Variants in KCNS3 observed in about 807,000 individuals in gnomAD.
The protein encoded by KCNS3 is delayed-rectifier potassium channel regulatory subunit KCNS3.
KCNS3 carries 13 observed loss-of-function variants against 31.0 expected under a neutral mutation model. That is an observed-to-expected ratio of 0.42 (90% CI 0.27 to 0.67). The LOEUF (loss-of-function observed/expected upper bound fraction) is 0.67, where lower values mean the gene tolerates loss of function less well. Among genes scored for constraint, KCNS3 ranks in the 30% least tolerant of loss-of-function variants. The pLI is 0.25. For missense variants in KCNS3, 545 were observed against 622.4 expected, an observed-to-expected ratio of 0.88 and a Z score of 1.32; for synonymous variants, 238 against 241.5, an observed-to-expected ratio of 0.99 and a Z score of 0.13.
rs1176063382 is a variant in KCNS3 at position 17,932,275 on chromosome 2, C to A, written c.1267C>A (p.Gln423Lys). ...GAAGCAAAAGGACATTGATGTGGAC[C>A]AGTGCAGTGAGGATGCACCAGAGAA... is the stretch of plus-strand genomic sequence containing the variant. ...YQKQKDIDVDQCSEDAPEKCH... is the reference protein window; with the variant it reads ...YQKQKDIDVDKCSEDAPEKCH... Residue 423 changes from glutamine (Q) to lysine (K), a missense_variant, in exon 3 of 3, where the codon CAG (glutamine) becomes AAG (lysine). Gln to Lys is a moderately conservative substitution (Grantham distance 53). Transcript: ENST00000304101. The A allele has an allele frequency of 1.2e-6, 2 of 1,613,614 alleles. No homozygotes were observed. The highest frequency in any genetic ancestry group is 4.5e-5 in the East Asian group (2 of 44,882).
chr2:17,914,689 A>G (rs1240065567), intron 1 of KCNS3, among the ~76,000 whole-genome samples: 4 of 152,336 alleles, frequency 2.6e-5, no homozygotes, highest in African/African-American at 9.6e-5. Flanking sequence ...GATTGATATT[A>G]GGACACTGTC....
At chr2:17,891,850 T>G (rs924683056) in intron 1 of KCNS3, among the ~76,000 whole-genome samples, 8 of 152,186 alleles carry the variant, frequency 5.3e-5, no homozygotes, top group African/African-American at 1.9e-4. Context: ...GTCTCACAGC[T>G]CTTAAAATTA....
chr2:17,878,383 C>T (rs1377114963), upstream of KCNS3, among the ~76,000 whole-genome samples: 2 of 151,868 alleles, frequency 1.3e-5, no homozygotes, highest in East Asian at 3.9e-4. Flanking sequence ...CAGCGCCTGC[C>T]GCTCCGGGGT....
At chr2:17,903,585 C>G (rs1662238662) in intron 1 of KCNS3, among the ~76,000 whole-genome samples, 1 of 151,988 alleles carries the variant, frequency 6.6e-6, no homozygotes, top group Admixed American at 6.6e-5. Flanking sequence ...TTAGGTATAT[C>G]TCCTAATGCT....
At chr2:17,920,994 A>G (rs1384427581) in intron 2 of KCNS3, among the ~76,000 whole-genome samples, 1 of 152,226 alleles carries the variant, frequency 6.6e-6, no homozygotes, top group East Asian at 1.9e-4. Context: ...CCCATTTGCA[A>G]CACGGGAGTC....
At chr2:17,889,273 A>G in intron 1 of KCNS3, among the ~76,000 whole-genome samples, 1 of 152,130 alleles carries the variant, frequency 6.6e-6, no homozygotes, top group Admixed American at 6.5e-5. Context: ...GTGTACATTA[A>G]TCTTGTATCC....
chr2:17,905,701 T>G (rs184145685), intron 1 of KCNS3, among the ~76,000 whole-genome samples: 6 of 152,356 alleles, frequency 3.9e-5, no homozygotes, highest in Non-Finnish European at 7.3e-5. Flanking sequence ...AGGCCTTTTC[T>G]GCATCTATTG....
chr2:17,905,178 C>T (rs1254465020), intron 1 of KCNS3, among the ~76,000 whole-genome samples: 4 of 152,160 alleles, frequency 2.6e-5, no homozygotes, highest in African/African-American at 4.8e-5. Context: ...TCCTTCACAT[C>T]CCTTGTAAGT....
At chr2:17,892,563 C>G (rs1452744701) in intron 1 of KCNS3, among the ~76,000 whole-genome samples, 2 of 152,134 alleles carry the variant, frequency 1.3e-5, no homozygotes, top group Non-Finnish European at 2.9e-5. Context: ...TTTGGGTAGG[C>G]TCTGTCAGAG....
intron 1 of KCNS3, among the ~76,000 whole-genome samples, chr2:17,888,549 ACATGG>A (rs911962791): frequency 9.4e-5 from 14 of 149,172 alleles, no homozygotes; most frequent in African/African-American, 3.5e-4. Flanking sequence ...CAGCACACCA[ACATGG>A]CACATGTATA....
intron 1 of KCNS3, among the ~76,000 whole-genome samples, chr2:17,903,285 CA>C (rs1407104027): frequency 1.3e-5 from 2 of 152,076 alleles, no homozygotes; most frequent in East Asian, 3.8e-4. Context: ...AAGACAGACA[CA>C]AATCCCTGCA....
intron 1 of KCNS3, among the ~76,000 whole-genome samples, chr2:17,902,629 T>C (rs1217240932): frequency 6.6e-6 from 1 of 152,218 alleles, no homozygotes; most frequent in East Asian, 1.9e-4. Flanking sequence ...TAAATGCATT[T>C]TTTACTAGTT....
intron 1 of KCNS3, among the ~76,000 whole-genome samples, chr2:17,899,965 A>G (rs1038411134): frequency 2.6e-5 from 4 of 152,188 alleles, no homozygotes; most frequent in African/African-American, 4.8e-5. Context: ...CAGGACAGAC[A>G]ACAACCACCC....
At chr2:17,915,391 A>G (rs1375149757) in intron 1 of KCNS3, among the ~76,000 whole-genome samples, 1 of 152,120 alleles carries the variant, frequency 6.6e-6, no homozygotes, top group African/African-American at 2.4e-5. Context: ...GAATGGGAGG[A>G]TATGTTGAAT....
chr2:17,909,065 A>G (rs866194430), intron 1 of KCNS3, among the ~76,000 whole-genome samples: 10 of 152,348 alleles, frequency 6.6e-5, no homozygotes, highest in Middle Eastern at 3.4e-3. Context: ...GGTGGAGTCT[A>G]CAGAGGCAGG....
chr2:17,904,267 G>C (rs960051152), intron 1 of KCNS3, among the ~76,000 whole-genome samples: 1 of 152,108 alleles, frequency 6.6e-6, no homozygotes, highest in African/African-American at 2.4e-5. Context: ...CTTTTGAGAA[G>C]TGTCTGTTCA....
chr2:17,913,719 C>T lies in KCNS3; in HGVS notation c.-251-3961C>T, dbSNP rs894157158. 2.6e-5 allele frequency among the ~76,000 whole-genome samples: 4 copies of T among 152,162 alleles called. 1 individual carries two copies. In the South Asian group the frequency reaches 8.3e-4, roughly 31 times the overall value. Reference sequence around the variant, plus strand: ...GACCTTCCAGCTCCCAAACAGGTGCCTGAGGTTCTTTTCCTGTACTTATAG... The same window carrying T: ...GACCTTCCAGCTCCCAAACAGGTGCTTGAGGTTCTTTTCCTGTACTTATAG... On this transcript the variant is annotated intron_variant, in intron 1 of 2. Coordinates refer to ENST00000304101, the MANE Select transcript of KCNS3 (RefSeq NM_002252.5).
intron 1 of KCNS3, among the ~76,000 whole-genome samples, chr2:17,907,764 C>G (rs1284532676): frequency 1.3e-5 from 2 of 152,110 alleles, no homozygotes; most frequent in Admixed American, 6.5e-5. Context: ...AAATTCTTTT[C>G]CTTAAGAATG....
intron 2 of KCNS3, among the ~76,000 whole-genome samples, chr2:17,920,533 A>AT (rs1662684209): frequency 6.6e-6 from 1 of 152,184 alleles, no homozygotes; most frequent in African/African-American, 2.4e-5. Flanking sequence ...GGTAGTTTTC[A>AT]TTTTACGCTG....
Sources: allele counts gnomAD v4.1 joint callset (sites outside exome capture counted in the v4.1 genomes callset), GRCh38; gene constraint gnomAD v4.1.1; transcripts MANE v1.5; gene names NCBI Gene and HGNC (gene_info 2026-07-23, HGNC 2026-07-21).